PRSS12: variants seen among roughly 807,000 people sequenced by gnomAD.
PRSS12 encodes neurotrypsin.
In PRSS12, 85 loss-of-function variants were observed where a neutral mutation model predicts 104.4. The observed-to-expected ratio is 0.81, with a 90% confidence interval of 0.68 to 0.98. The LOEUF (loss-of-function observed/expected upper bound fraction) is 0.98, where lower values mean the gene tolerates loss of function less well. Among genes scored for constraint, PRSS12 ranks in the 50% least tolerant of loss-of-function variants. PRSS12 has a pLI of 0.00. For synonymous variants in PRSS12, 454 were observed against 425.2 expected (o/e 1.07, Z -0.83); for missense variants, 1,141 against 1,139.2 (o/e 1.00, Z -0.02).
At chr4:118,329,982 G>T (rs959990584) in intron 4 of PRSS12, among the ~76,000 whole-genome samples, 1 of 152,040 alleles carries the variant, frequency 6.6e-6, no homozygotes. Flanking sequence ...TCTCATAAAC[G>T]TACTTGTTAG....
In PRSS12 at chr4:118,282,093, T is replaced by C; in HGVS notation, c.2471A>G (p.Asp824Gly). The change falls in exon 13 of 13, where the codon GAC (aspartate) becomes GGC (glycine). Residue 824 changes from aspartate (D) to glycine (G), a missense_variant. Transcript: ENST00000296498. ...EHKRVDSCQG[D>G]SGGPLMCERP... Reference sequence around the variant, plus strand: ...TTCACACATGAGTGGTCCTCCGCTGTCTCCCTGGCAGCTGTCCACGCGTTT... The same window carrying C: ...TTCACACATGAGTGGTCCTCCGCTGCCTCCCTGGCAGCTGTCCACGCGTTT... 1.9e-6 allele frequency: 3 copies of C among 1,614,168 alleles called. No individual in the cohort carries two copies. Among genetic ancestry groups the C allele is most frequent in the Non-Finnish European group, 1.7e-6 (2 of 1,180,024 alleles).
chr4:118,335,548 A>G lies in PRSS12; in HGVS notation c.745T>C (p.Cys249Arg). The G allele has an allele frequency of 1.9e-6, 3 of 1,614,088 alleles. No individual in the cohort carries two copies. The highest frequency in any genetic ancestry group is 1.7e-6 in the Non-Finnish European group (2 of 1,179,972). ...CCACCCTGCCAGATGTCTTTTTCACAAAGCAGTATATTTTCTTCATCTCCT... is the reference window on the plus strand; with the variant it reads ...CCACCCTGCCAGATGTCTTTTTCACGAAGCAGTATATTTTCTTCATCTCCT... ...CRGDEENILL[C>R]EKDIWQGGVC... Residue 249 changes from cysteine (C) to arginine (R), a missense_variant, in exon 3 of 13, where the codon TGT becomes CGT. By Grantham distance (180) the Cys-to-Arg change is radical. Coordinates refer to ENST00000296498, the MANE Select transcript of PRSS12 (RefSeq NM_003619.4).
chr4:118,341,807 C>T (rs563936776), intron 1 of PRSS12, among the ~76,000 whole-genome samples: 1 of 152,318 alleles, frequency 6.6e-6, no homozygotes, highest in Admixed American at 6.5e-5. Context: ...TCTCCTAGTT[C>T]CCTGCCCTGG....
chr4:118,331,568 G>A, intron 4 of PRSS12, 148 bp downstream of exon 4: 1 of 1,048,478 alleles, frequency 9.5e-7, no homozygotes, highest in Non-Finnish European at 1.4e-6. Flanking sequence ...TGCTCTTCAG[G>A]AAGCCTACAG....
intron 7 of PRSS12, 126 bp from the exon 8 acceptor site, chr4:118,308,703 T>C: frequency 7.6e-7 from 1 of 1,315,170 alleles, no homozygotes; most frequent in Non-Finnish European, 1.1e-6. Flanking sequence ...AATACTTTTT[T>C]GAGAGAGAGG....
At chr4:118,305,766 G>T (rs1460303207) in intron 8 of PRSS12, among the ~76,000 whole-genome samples, 2 of 151,934 alleles carry the variant, frequency 1.3e-5, no homozygotes, top group East Asian at 1.9e-4. Context: ...TATTCATCTT[G>T]CATGACAGGA....
chr4:118,352,282 G>T lies in PRSS12; in HGVS notation c.439C>A (p.Pro147Thr), dbSNP rs1364698457. The T allele has an allele frequency of 5.0e-6, 8 of 1,609,272 alleles. No homozygotes were observed. The South Asian group carries it at 5.5e-5, about 11-fold the overall frequency. Residue 147 changes from proline (P) to threonine (T), a missense_variant, in exon 1 of 13, where the codon CCC (proline) becomes ACC (threonine). Pro to Thr is a conservative substitution (Grantham distance 38). Coordinates refer to ENST00000296498, the MANE Select transcript of PRSS12 (RefSeq NM_003619.4). ...FCRSPDGAGR[P>T]WCFYGDARGK... is the part of the protein sequence containing the mutation. ...CGGGCGTCTCCGTAGAAACACCAGG[G>T]TCTGCCCGCGCCGTCGGGGCTCCGA...
chr4:118,295,893 T>G, intron 9 of PRSS12, 37 bp from the exon 10 acceptor site: 1 of 1,558,028 alleles, frequency 6.4e-7, no homozygotes, highest in Non-Finnish European at 8.9e-7. Context: ...AACTATCACA[T>G]TGCTGACAGA....
chr4:118,316,315 T>A lies in PRSS12; in HGVS notation c.1159A>T (p.Ile387Phe). 1 of 1,614,062 alleles carries A rather than the reference T, an allele frequency of 6.2e-7. No homozygotes were observed. Among genetic ancestry groups the A allele is most frequent in the Non-Finnish European group, 8.5e-7 (1 of 1,179,988 alleles). The part of the protein sequence containing the change: ...VSCTPLTDGV[I>F]RLAGGKGSHE... Reference sequence around the variant, plus strand: ...CTGCCTTTCCCACCTGCAAGTCTGATGACCCCATCTGTGATAAAGAGGAGA... The same window carrying A: ...CTGCCTTTCCCACCTGCAAGTCTGAAGACCCCATCTGTGATAAAGAGGAGA... Residue 387 changes from isoleucine to phenylalanine, a missense_variant, in exon 6 of 13, where the codon ATC (isoleucine) becomes TTC (phenylalanine). Physicochemically the swap from Ile to Phe is conservative, Grantham distance 21 (BLOSUM62 0). Transcript: ENST00000296498.
intron 7 of PRSS12, among the ~76,000 whole-genome samples, chr4:118,312,526 T>A (rs1743771422): frequency 6.6e-6 from 1 of 152,284 alleles, no homozygotes; most frequent in African/African-American, 2.4e-5. Flanking sequence ...AATGTTTAAC[T>A]GCTATCTACT....
At chr4:118,335,858 C>G (rs1409480238) in intron 2 of PRSS12, among the ~76,000 whole-genome samples, 1 of 152,200 alleles carries the variant, frequency 6.6e-6, no homozygotes, top group Admixed American at 6.5e-5. Flanking sequence ...TTATGGAATT[C>G]TTTTCATCAA....
chr4:118,344,683 T>C (rs555721138), intron 1 of PRSS12, among the ~76,000 whole-genome samples: 92 of 152,330 alleles, frequency 6.0e-4, no homozygotes, highest in African/African-American at 2.1e-3. Context: ...TCAGTTGGTA[T>C]AGTTCAAAAT....
chr4:118,337,575 C>T (rs895487308), intron 2 of PRSS12, among the ~76,000 whole-genome samples: 6 of 152,056 alleles, frequency 3.9e-5, no homozygotes, highest in Admixed American at 1.3e-4. Flanking sequence ...AGGACACTGC[C>T]AGAGCTAACA....
rs1449911171 is a variant in PRSS12, at chr4:118,352,347, G to T, written c.374C>A (p.Ala125Glu). The change falls in exon 1 of 13, where the codon GCG becomes GAG. Residue 125 changes from alanine (A) to glutamate (E), a missense_variant. Coordinates refer to ENST00000296498, the MANE Select transcript of PRSS12 (RefSeq NM_003619.4). ...VPPFLERSPP[A>E]SWAQLRGQRH... ...CTGTCCTCGCAGCTGAGCCCAGCTC[G>T]CTGGGGGCGACCGCTCCAGGAAGGG... The T allele has an allele frequency of 1.3e-6, 2 of 1,575,720 alleles. No homozygotes were observed. Among genetic ancestry groups the T allele is most frequent in the South Asian group, 1.2e-5 (1 of 86,536 alleles).
At chr4:118,306,840 A>C (rs1743568474) in intron 8 of PRSS12, among the ~76,000 whole-genome samples, 2 of 152,160 alleles carry the variant, frequency 1.3e-5, no homozygotes, top group Non-Finnish European at 2.9e-5. Context: ...ATGCCTAGAA[A>C]ATTTTTCTCT....
rs563672088 is a variant in PRSS12 at position 118,327,580 on chromosome 4, C to T, written c.971+4136G>A. On this transcript the variant is annotated intron_variant, in intron 4 of 12. Transcript: ENST00000296498. Reference sequence around the variant, plus strand: ...ACCCTAAAAGGAAAGAAAGTATCCACAATTTTTAAATTCCCAAGTAAATTA... The same window carrying T: ...ACCCTAAAAGGAAAGAAAGTATCCATAATTTTTAAATTCCCAAGTAAATTA... 1.1e-4 allele frequency among the ~76,000 whole-genome samples: 17 copies of T among 152,230 alleles called. No homozygotes were observed. In the South Asian group the frequency reaches 3.5e-3, roughly 32 times the overall value.
chr4:118,323,467 AAAAG>A (rs1174479639), intron 4 of PRSS12, among the ~76,000 whole-genome samples: 1 of 151,868 alleles, frequency 6.6e-6, no homozygotes, highest in Non-Finnish European at 1.5e-5. Context: ...GAAAAAAAAG[AAAAG>A]AAAGAAAGGC....
chr4:118,338,111 G>C, intron 2 of PRSS12, 65 bp downstream of exon 2: 1 of 1,591,418 alleles, frequency 6.3e-7, no homozygotes, highest in Non-Finnish European at 8.6e-7. Context: ...ACAAAGCAAT[G>C]ACGGGCACCC....
chr4:118,335,962 A>C (rs1229401104), intron 2 of PRSS12, among the ~76,000 whole-genome samples: 1 of 152,188 alleles, frequency 6.6e-6, no homozygotes, highest in African/African-American at 2.4e-5. Context: ...GGCTGTGTGC[A>C]AGAGGTGTGT....
Sources: allele counts gnomAD v4.1 joint callset (sites outside exome capture counted in the v4.1 genomes callset), GRCh38; gene constraint gnomAD v4.1.1; transcripts MANE v1.5; gene names NCBI Gene and HGNC (gene_info 2026-07-23, HGNC 2026-07-21).